Variants in LDLRAD4 observed in about 807,000 individuals in gnomAD.
LDLRAD4 encodes low density lipoprotein receptor class A domain containing 4.
Under a neutral mutation model 17.0 loss-of-function variants are expected in LDLRAD4, and 5 were observed. The ratio of observed to expected loss-of-function variants is 0.29; its 90% CI spans 0.15 to 0.62. LDLRAD4 has a LOEUF of 0.62. Ranked by LOEUF, LDLRAD4 falls within the 20% of genes least tolerant of loss-of-function variation. The pLI, the probability that LDLRAD4 is intolerant of heterozygous loss-of-function variation, is 0.84. For missense variants in LDLRAD4, 340 were observed against 424.7 expected, an observed-to-expected ratio of 0.80 and a Z score of 1.75; for synonymous variants, 168 against 171.8, an observed-to-expected ratio of 0.98 and a Z score of 0.17.
intron 3 of LDLRAD4, among the ~76,000 whole-genome samples, chr18:13,602,790 T>G (rs1435698060): frequency 6.6e-6 from 1 of 152,050 alleles, no homozygotes; most frequent in African/African-American, 2.4e-5. Context: ...AACTAGAAAT[T>G]AAAAAACAAA....
chr18:13,646,682 A>G (rs1326798867), exon 6 of LDLRAD4: 1 of 152,674 alleles, frequency 6.5e-6, no homozygotes. Context: ...CTATAGCATG[A>G]AATATATTCA....
At chr18:13,465,879 T>C (rs1308684652) in intron 3 of LDLRAD4, among the ~76,000 whole-genome samples, 1 of 152,184 alleles carries the variant, frequency 6.6e-6, no homozygotes, top group African/African-American at 2.4e-5. Context: ...AATCTCAGCC[T>C]CTTCATACTC....
chr18:13,473,290 A>C (rs1295606074), intron 3 of LDLRAD4, among the ~76,000 whole-genome samples: 2 of 152,184 alleles, frequency 1.3e-5, no homozygotes, highest in Non-Finnish European at 2.9e-5. Context: ...TCCCATCTCC[A>C]GCTTCTCTAG....
At chr18:13,230,887 G>A (rs908441919) in intron 1 of LDLRAD4, among the ~76,000 whole-genome samples, 2 of 152,186 alleles carry the variant, frequency 1.3e-5, no homozygotes, top group Admixed American at 1.3e-4. Context: ...GACACAGGTC[G>A]GGGAGGGATT....
chr18:13,323,117 GA>G (rs2081344393), intron 1 of LDLRAD4, among the ~76,000 whole-genome samples: 3 of 152,206 alleles, frequency 2.0e-5, no homozygotes, highest in Admixed American at 1.3e-4. Context: ...GTAGTAGAAA[GA>G]AAACCACGTC....
intron 1 of LDLRAD4, among the ~76,000 whole-genome samples, chr18:13,310,961 G>A (rs1032582940): frequency 2.0e-5 from 3 of 152,188 alleles, no homozygotes; most frequent in Non-Finnish European, 4.4e-5. Flanking sequence ...TAGCATTTCT[G>A]TAGCCTTAGG....
intron 3 of LDLRAD4, among the ~76,000 whole-genome samples, chr18:13,610,176 G>GCTATTTAT (rs981738708): frequency 6.6e-6 from 1 of 150,488 alleles, no homozygotes; most frequent in African/African-American, 2.4e-5. Context: ...CCCAGAGCGG[G>GCTATTTAT]CTATTTATAA....
chr18:13,635,613 G>A (rs1466527054), intron 4 of LDLRAD4, among the ~76,000 whole-genome samples: 1 of 152,156 alleles, frequency 6.6e-6, no homozygotes, highest in Non-Finnish European at 1.5e-5. Context: ...TTTCCTGTTA[G>A]TGTGGCTGTT....
rs183551709 is a variant in LDLRAD4, at chr18:13,525,302, G to A, written c.181+86918G>A. Among the ~76,000 whole-genome samples, 16 of 152,262 alleles carry A rather than the reference G, an allele frequency of 1.1e-4. No individual in the cohort carries two copies. The East Asian group carries it at 2.9e-3, about 28-fold the overall frequency. On this transcript the variant is annotated intron_variant, in intron 3 of 5. Coordinates refer to ENST00000359446, the Ensembl canonical transcript of LDLRAD4. Reference sequence around the variant, plus strand: ...AAGCTCTCTGTTTTTCTGGGAGAACGAAGAGCATAGACCAGCACCTGGCAC... The same window carrying A: ...AAGCTCTCTGTTTTTCTGGGAGAACAAAGAGCATAGACCAGCACCTGGCAC...
At chr18:13,501,667 A>C (rs1600882879) in intron 3 of LDLRAD4, among the ~76,000 whole-genome samples, 3 of 151,798 alleles carry the variant, frequency 2.0e-5, no homozygotes, top group African/African-American at 2.4e-5. Context: ...AATCCATAGA[A>C]ACCCAAGGGG....
At chr18:13,584,166 A>G (rs1182759468) in intron 3 of LDLRAD4, among the ~76,000 whole-genome samples, 1 of 152,312 alleles carries the variant, frequency 6.6e-6, no homozygotes, top group East Asian at 1.9e-4. Flanking sequence ...CTTCATCGTC[A>G]TAATGCCCTG....
intron 4 of LDLRAD4, among the ~76,000 whole-genome samples, chr18:13,635,968 T>TGTGTGA (rs1344178358): frequency 2.9e-4 from 43 of 147,952 alleles, no homozygotes; most frequent in African/African-American, 1.0e-3. Context: ...TGTGTGTGTG[T>TGTGTGA]GATTGTGCCT....
intron 3 of LDLRAD4, among the ~76,000 whole-genome samples, chr18:13,549,679 A>G (rs1023991727): frequency 6.6e-6 from 1 of 151,902 alleles, no homozygotes; most frequent in African/African-American, 2.4e-5. Flanking sequence ...GAGAACAGAC[A>G]AAGAGTTAAA....
intron 3 of LDLRAD4, among the ~76,000 whole-genome samples, chr18:13,504,518 C>T (rs1170248248): frequency 6.6e-6 from 1 of 152,212 alleles, no homozygotes; most frequent in Non-Finnish European, 1.5e-5. Context: ...ACCTCTGCGT[C>T]GGGGGTTCAA....
At chr18:13,247,620 T>C (rs2043020250) in intron 1 of LDLRAD4, among the ~76,000 whole-genome samples, 1 of 152,134 alleles carries the variant, frequency 6.6e-6, no homozygotes, top group East Asian at 1.9e-4. Flanking sequence ...CCGCTTGTCG[T>C]GTGAATGAAG....
intron 3 of LDLRAD4, among the ~76,000 whole-genome samples, chr18:13,564,096 G>A (rs2094568952): frequency 6.6e-6 from 1 of 152,096 alleles, no homozygotes; most frequent in African/African-American, 2.4e-5. Context: ...GTAAAGATGG[G>A]GGTCTCACTT....
chr18:13,568,050 CGAGG>C (rs1568350445), intron 3 of LDLRAD4, among the ~76,000 whole-genome samples: 2 of 137,038 alleles, frequency 1.5e-5, no homozygotes, highest in Non-Finnish European at 3.1e-5. Context: ...TTTGGGAGGC[CGAGG>C]AGGTGGGGGG....
chr18:13,538,407 C>T (rs2094228387), intron 3 of LDLRAD4, among the ~76,000 whole-genome samples: 1 of 152,080 alleles, frequency 6.6e-6, no homozygotes, highest in South Asian at 2.1e-4. Context: ...CAGGTTACCC[C>T]ATATTTTTTT....
intron 1 of LDLRAD4, among the ~76,000 whole-genome samples, chr18:13,267,929 A>G (rs377443958): frequency 1.3e-5 from 2 of 152,108 alleles, no homozygotes; most frequent in African/African-American, 2.4e-5. Context: ...AGGCTTCACT[A>G]TGTTGCCCAG....
Sources: gnomAD v4.1 joint callset for allele counts (sites outside exome capture counted in the v4.1 genomes callset) on GRCh38, gnomAD v4.1.1 for gene constraint, MANE v1.5 for transcripts, NCBI Gene and HGNC (gene_info 2026-07-23, HGNC 2026-07-21) for gene names.